The following FAM107B variants were observed in gnomAD, a reference collection of about 807,000 sequenced individuals.
FAM107B encodes the protein protein FAM107B.
Under a neutral mutation model 31.5 loss-of-function variants are expected in FAM107B, and 21 were observed. The ratio of observed to expected loss-of-function variants is 0.67; its 90% CI spans 0.47 to 0.96. The LOEUF (loss-of-function observed/expected upper bound fraction) is 0.96, where lower values mean the gene tolerates loss of function less well. Ranked by LOEUF, FAM107B falls within the 40% of genes least tolerant of loss-of-function variation. The probability of loss-of-function intolerance (pLI) is 0.00; values close to 1 mark genes in which losing one functional copy is unlikely to be tolerated. For synonymous variants in FAM107B, 157 were observed against 141.5 expected (o/e 1.11, Z -0.78); for missense variants, 452 against 377.1 (o/e 1.20, Z -1.64).
intron 1 of FAM107B, among the ~76,000 whole-genome samples, chr10:14,757,474 C>A (rs1361239177): frequency 6.6e-6 from 1 of 152,184 alleles, no homozygotes; most frequent in African/African-American, 2.4e-5. Flanking sequence ...CTCTCTCTCT[C>A]TATCTCTCTC....
chr10:14,740,263 C>T (rs1226006637), intron 1 of FAM107B, among the ~76,000 whole-genome samples: 2 of 152,128 alleles, frequency 1.3e-5, no homozygotes, highest in Non-Finnish European at 2.9e-5. Flanking sequence ...GACAATGGCC[C>T]ATTATTCAGG....
At chr10:14,684,606 C>T (rs192919322) in intron 1 of FAM107B, among the ~76,000 whole-genome samples, 1 of 152,266 alleles carries the variant, frequency 6.6e-6, no homozygotes, top group Admixed American at 6.5e-5. Flanking sequence ...CACAAACATT[C>T]AGACAACAGC....
intron 1 of FAM107B, among the ~76,000 whole-genome samples, chr10:14,730,744 A>C (rs943357484): frequency 2.0e-5 from 3 of 152,180 alleles, no homozygotes; most frequent in Non-Finnish European, 4.4e-5. Context: ...TGCGACTTAG[A>C]TCTATGGTGA....
At chr10:14,671,879 AAAAAACAAAAAAAC>A (rs1854558731) in intron 1 of FAM107B, among the ~76,000 whole-genome samples, 2 of 49,740 alleles carry the variant, frequency 4.0e-5, no homozygotes, top group African/African-American at 9.1e-5. Flanking sequence ...ATTTAAAAAA[AAAAAACAAAAAAAC>A]AAAAAAAAAA....
chr10:14,629,599 G>A (rs12250697), intron 2 of FAM107B, among the ~76,000 whole-genome samples: 5,671 of 144,406 alleles, frequency 0.039, 175 homozygotes, highest in African/African-American at 0.084. Flanking sequence ...TGCAAGCTCC[G>A]CCTCCCGGGT....
At chr10:14,739,512 C>T (rs1856386377) in intron 1 of FAM107B, among the ~76,000 whole-genome samples, 1 of 152,184 alleles carries the variant, frequency 6.6e-6, no homozygotes, top group Non-Finnish European at 1.5e-5. Flanking sequence ...ACTGCCTCAG[C>T]TCTCCATCCA....
chr10:14,651,855 A>C (rs919893856), intron 2 of FAM107B, among the ~76,000 whole-genome samples: 2 of 152,190 alleles, frequency 1.3e-5, no homozygotes, highest in African/African-American at 4.8e-5. Context: ...GTTTGGGTGT[A>C]AGAGAATAAT....
intron 2 of FAM107B, among the ~76,000 whole-genome samples, chr10:14,575,217 T>G (rs988591022): frequency 6.6e-5 from 10 of 151,850 alleles, no homozygotes; most frequent in African/African-American, 2.2e-4. Flanking sequence ...TTTTGTTTTT[T>G]TTTTGAGATG....
intron 1 of FAM107B, among the ~76,000 whole-genome samples, chr10:14,772,291 C>T (rs1411912704): frequency 4.0e-5 from 6 of 151,652 alleles, no homozygotes; most frequent in African/African-American, 1.5e-4. Flanking sequence ...GAGGCAGAGG[C>T]TGCAGTGAGC....
chr10:14,639,507 G>T (rs1005174949), intron 2 of FAM107B, among the ~76,000 whole-genome samples: 1 of 152,100 alleles, frequency 6.6e-6, no homozygotes, highest in African/African-American at 2.4e-5. Flanking sequence ...GTGACATGGG[G>T]CTGGGAATCA....
Position 14,572,736 on chromosome 10 carries a change from A to ATTATATATATATAT in FAM107B, c.470-42222_470-42221insATATATATATATAA, listed in dbSNP as rs1455058375. Reference sequence around the variant, plus strand: ...CCCCATCTCTTCAAAAAAAAAAAAAAATTTATATATATATATATATATATT... The same window carrying ATTATATATATATAT: ...CCCCATCTCTTCAAAAAAAAAAAAAATTATATATATATATATTTATATATATATATATATATATT... On this transcript the variant is annotated intron_variant, in intron 2 of 4. Coordinates refer to ENST00000181796, the MANE Select transcript of FAM107B (RefSeq NM_031453.4). Among the ~76,000 whole-genome samples, 32 of 86,462 alleles carry ATTATATATATATAT rather than the reference A, an allele frequency of 3.7e-4. 1 individual carries two copies. Among genetic ancestry groups the ATTATATATATATAT allele is most frequent in the African/African-American group, 1.2e-3 (31 of 24,878 alleles). The allele number at this position is 86,462 out of a possible 152,430, so 56.7% of individuals were successfully genotyped here. A position where few individuals can be genotyped will look rare whatever the true frequency, so the allele number is the denominator to read the frequency against.
chr10:14,732,361 T>G (rs562095717), intron 1 of FAM107B, among the ~76,000 whole-genome samples: 1 of 152,270 alleles, frequency 6.6e-6, no homozygotes, highest in Admixed American at 6.5e-5. Flanking sequence ...CAGTGCCGTG[T>G]GGTGGGAAAA....
At chr10:14,575,187 G>T (rs375709312) in intron 2 of FAM107B, among the ~76,000 whole-genome samples, 1 of 149,986 alleles carries the variant, frequency 6.7e-6, no homozygotes, top group African/African-American at 2.5e-5. Context: ...GGGATCACAC[G>T]CTAAAGAAGC....
At chr10:14,543,514 C>CGT (rs963387896) in intron 2 of FAM107B, among the ~76,000 whole-genome samples, 6 of 151,858 alleles carry the variant, frequency 4.0e-5, no homozygotes, top group African/African-American at 1.5e-4. Context: ...GAAATCAGCC[C>CGT]GTTCTCCAGG....
chr10:14,734,504 TA>T (rs1353752999), intron 1 of FAM107B, among the ~76,000 whole-genome samples: 1 of 151,872 alleles, frequency 6.6e-6, no homozygotes, highest in Non-Finnish European at 1.5e-5. Flanking sequence ...TTTTTTTTTT[TA>T]GCTCATCAGC....
rs1368203844 is a variant in FAM107B, at chr10:14,767,049, TATATATAGAGAGAGAGAGAG to T, written c.411+7184_411+7203del. On this transcript the variant is annotated intron_variant, in intron 1 of 4. Coordinates refer to ENST00000181796, the MANE Select transcript of FAM107B (RefSeq NM_031453.4). ...GTATATATATATATATATATATATA[TATATATAGAGAGAGAGAGAG>T]AGAGAGAGAGAGAGAGAGAGAGAGA... Among the ~76,000 whole-genome samples the T allele has an allele frequency of 2.6e-3, 94 of 36,022 alleles. 1 individual carries two copies. The highest frequency in any genetic ancestry group is 8.3e-3 in the African/African-American group (86 of 10,396). 23.6% of individuals were successfully genotyped at this position (36,022 alleles called of 152,430 possible).
At chr10:14,610,082 G>A (rs1852689888) in intron 2 of FAM107B, among the ~76,000 whole-genome samples, 1 of 152,190 alleles carries the variant, frequency 6.6e-6, no homozygotes, top group African/African-American at 2.4e-5. Flanking sequence ...GGTGGCTCAC[G>A]CCTGTAATTC....
chr10:14,744,656 T>C (rs1588749478), intron 1 of FAM107B, among the ~76,000 whole-genome samples: 1 of 152,220 alleles, frequency 6.6e-6, no homozygotes, highest in Non-Finnish European at 1.5e-5. Flanking sequence ...ATTTATTGAT[T>C]TGTGTATGTT....
intron 2 of FAM107B, among the ~76,000 whole-genome samples, chr10:14,639,949 T>G (rs971769054): frequency 6.6e-6 from 1 of 152,212 alleles, no homozygotes; most frequent in African/African-American, 2.4e-5. Context: ...TGAAATTGCC[T>G]TCTCTATGAA....
Sources: allele counts gnomAD v4.1 joint callset (sites outside exome capture counted in the v4.1 genomes callset), GRCh38; gene constraint gnomAD v4.1.1; transcripts MANE v1.5; gene names NCBI Gene and HGNC (gene_info 2026-07-23, HGNC 2026-07-21).